The following KIF1A variants were observed in gnomAD, a reference collection of about 807,000 sequenced individuals.
The protein encoded by KIF1A is kinesin-like protein KIF1A.
Under a neutral mutation model 227.3 loss-of-function variants are expected in KIF1A, and 46 were observed. The ratio of observed to expected loss-of-function variants is 0.20; its 90% CI spans 0.16 to 0.26. KIF1A has a LOEUF of 0.26. KIF1A is among the 10% of genes least tolerant of loss of function. The probability of loss-of-function intolerance (pLI) is 1.00; values close to 1 mark genes in which losing one functional copy is unlikely to be tolerated. For missense variants in KIF1A, 1,683 were observed against 2,485.9 expected (o/e 0.68, Z 6.87); for synonymous variants, 1,022 against 1,012.8 (o/e 1.01, Z -0.17).
At position 240,797,680 on chromosome 2, in the gene KIF1A, T is replaced by G. The variant is rs1174536536; in HGVS notation, c.73A>C (p.Lys25Gln). 6.2e-7 allele frequency: 1 copy of G among 1,612,894 alleles called. No homozygotes were observed. The highest frequency in any genetic ancestry group is 2.2e-5 in the East Asian group (1 of 44,866). The change falls in exon 2 of 49, where the codon AAG becomes CAG. Residue 25 changes from lysine (K) to glutamine (Q), a missense_variant. By Grantham distance (53) the Lys-to-Gln change is moderately conservative. Coordinates refer to ENST00000498729, the MANE Select transcript of KIF1A (RefSeq NM_001244008.2). ...CTTCCAGACATCTGAATGATGCACT[T>G]GGAGTCACGGCTCATTTCCCGGGAA... ...FNSREMSRDS[K>Q]CIIQMSGSTT...
chr2:240,744,162 G>C (rs1022996810), intron 32 of KIF1A, 102 bp from the exon 33 acceptor site: 1 of 820,596 alleles, frequency 1.2e-6, no homozygotes, highest in Admixed American at 1.9e-5. Context: ...GCCCAGATCT[G>C]GGACCCCTAG....
rs74002910 is a variant in KIF1A, at chr2:240,742,609, C to T, written c.3640+320G>A. Among the ~76,000 whole-genome samples, 569 of 152,274 alleles carry T rather than the reference C, an allele frequency of 3.7e-3. 5 individuals carry two copies. Among genetic ancestry groups the T allele is most frequent in the African/African-American group, 0.013 (551 of 41,546 alleles). ...CCCCGTGAAGGAGCGTCCTAGATTG[C>T]CTTTCATCCCCAAATCTCCACCTCT... On this transcript the variant is annotated intron_variant, in intron 34 of 48. Coordinates refer to ENST00000498729, the MANE Select transcript of KIF1A (RefSeq NM_001244008.2).
chr2:240,744,457 C>T (rs3772055), intron 32 of KIF1A, among the ~76,000 whole-genome samples: 14,213 of 152,254 alleles, frequency 0.093, 1,212 homozygotes, highest in East Asian at 0.26. Context: ...GTTGAAGTCC[C>T]AACCCCAGGA....
chr2:240,794,492 C>T (rs2056141885), intron 2 of KIF1A, among the ~76,000 whole-genome samples: 1 of 152,212 alleles, frequency 6.6e-6, no homozygotes, highest in Non-Finnish European at 1.5e-5. Context: ...TTCCCCACAA[C>T]ATCGTGTGGC....
At position 240,767,846 on chromosome 2, in the gene KIF1A, A is replaced by G. The variant is rs183337142; in HGVS notation, c.1498-501T>C. Among the ~76,000 whole-genome samples, 5 of 152,404 alleles carry G rather than the reference A, an allele frequency of 3.3e-5. No homozygotes were observed. The East Asian group carries it at 9.6e-4, about 29-fold the overall frequency. ...TGGGAGCCAAGAGCCAAGAAGGATCAGGACACTGACCATGGAGGGCTCAGC... is the reference window on the plus strand; with the variant it reads ...TGGGAGCCAAGAGCCAAGAAGGATCGGGACACTGACCATGGAGGGCTCAGC... On this transcript the variant is annotated intron_variant, in intron 17 of 48. Transcript: ENST00000498729.
intron 1 of KIF1A, among the ~76,000 whole-genome samples, chr2:240,812,599 A>AG (rs2057954681): frequency 9.4e-6 from 1 of 106,230 alleles, no homozygotes; most frequent in East Asian, 2.8e-4. Context: ...CCTTCACCTC[A>AG]GGATCTGCCT....
intron 10 of KIF1A, among the ~76,000 whole-genome samples, chr2:240,779,875 A>G (rs1269322451): frequency 6.6e-6 from 1 of 152,084 alleles, no homozygotes; most frequent in Non-Finnish European, 1.5e-5. Flanking sequence ...ATGGCTCCAC[A>G]CGCAGGCTGT....
At position 240,740,486 on chromosome 2, in the gene KIF1A, C is replaced by T. The variant is rs774940022; in HGVS notation, c.3750-122G>A. On this transcript the variant is annotated intron_variant, in intron 35 of 48. Coordinates refer to ENST00000498729, the MANE Select transcript of KIF1A (RefSeq NM_001244008.2). This position sits in a 1 kb window ranked among gnomAD's most constrained non-coding sequence, Gnocchi z 6.1. ...GTCAGCAGCTCCCTCTGGTGAAGAT[C>T]AGGTGGTCTGATCCATGGAGACCAC... 5 of 802,706 alleles carry T rather than the reference C, an allele frequency of 6.2e-6. No homozygotes were observed. Among genetic ancestry groups the T allele is most frequent in the Non-Finnish European group, 1.0e-5 (5 of 477,586 alleles). 49.7% of individuals were successfully genotyped at this position (802,706 alleles called of 1,614,324 possible).
Position 240,757,346 on chromosome 2 carries a change from C to G in KIF1A, c.2831G>C (p.Arg944Pro), listed in dbSNP as rs1178051683. The change falls in exon 27 of 49, where the codon CGG (arginine) becomes CCG (proline). Residue 944 changes from arginine to proline, a missense_variant. By Grantham distance (103) the Arg-to-Pro change is moderately radical. Transcript: ENST00000498729. This position sits in a 1 kb window ranked among gnomAD's most constrained non-coding sequence, Gnocchi z 6.2. ...LCDGRDPFYD[R>P]PPLFSLVGRA... Reference sequence around the variant, plus strand: ...TCCTACTAAACTGAACAGGGGGGGCCGGTCGTAAAACGGGTCCCGGCCGTC... The same window carrying G: ...TCCTACTAAACTGAACAGGGGGGGCGGGTCGTAAAACGGGTCCCGGCCGTC... The G allele has an allele frequency of 6.4e-7, 1 of 1,550,578 alleles. No homozygotes were observed. The highest frequency in any genetic ancestry group is 1.4e-5 in the African/African-American group (1 of 73,048).
At chr2:240,767,229 C>G in intron 18 of KIF1A, 37 bp downstream of exon 18, 1 of 1,553,812 alleles carries the variant, frequency 6.4e-7, no homozygotes, top group Non-Finnish European at 8.9e-7. Flanking sequence ...ATCCCAGGGC[C>G]TGGCCAGGCT....
intron 1 of KIF1A, among the ~76,000 whole-genome samples, chr2:240,805,120 G>A (rs2057304741): frequency 1.3e-5 from 1 of 78,836 alleles, no homozygotes; most frequent in African/African-American, 5.3e-5. Context: ...AGGGAGAGGG[G>A]AGGGAGGGCG....
At chr2:240,769,575 G>A (rs1037127649) in intron 16 of KIF1A, 52 bp downstream of exon 16, 73 of 1,490,758 alleles carry the variant, frequency 4.9e-5, no homozygotes, top group East Asian at 1.1e-4. Flanking sequence ...CCCAGGCTCC[G>A]GGCTTGCTGG....
In KIF1A at chr2:240,740,254, G is replaced by A. The variant is rs756441591; in HGVS notation, c.3816+44C>T. 3.2e-6 allele frequency: 5 copies of A among 1,578,742 alleles called. No individual in the cohort carries two copies. In the South Asian group the frequency reaches 4.5e-5, roughly 14 times the overall value. ...GGGAGAGGCTCACACCTGGTGGGGT[G>A]GGGGAGGGGACACAGGCAGGGTAGG... On this transcript the variant is annotated intron_variant, in intron 36 of 48. Transcript: ENST00000498729. The surrounding 1 kb of genome is among the most constrained non-coding windows in gnomAD (Gnocchi z 6.1).
At chr2:240,807,071 CAT>C (rs144429410) in intron 1 of KIF1A, among the ~76,000 whole-genome samples, 56 of 115,528 alleles carry the variant, frequency 4.8e-4, no homozygotes, top group South Asian at 2.5e-3. Flanking sequence ...TACACATCCT[CAT>C]ATATATGTGT....
At position 240,782,487 on chromosome 2, in the gene KIF1A, C is replaced by A. The variant is rs1027972224; in HGVS notation, c.882+103G>T. The A allele has an allele frequency of 9.8e-5, 123 of 1,260,722 alleles. No homozygotes were observed. In the African/African-American group the frequency reaches 1.7e-3, roughly 17 times the overall value. The allele number at this position is 1,260,722 out of a possible 1,614,324, so 78.1% of individuals were successfully genotyped here. A position where few individuals can be genotyped will look rare whatever the true frequency, so the allele number is the denominator to read the frequency against. On this transcript the variant is annotated intron_variant, in intron 10 of 48. Coordinates refer to ENST00000498729, the MANE Select transcript of KIF1A (RefSeq NM_001244008.2). ...CACCCCCACGTCCCCCATCTCCCAG[C>A]GCACTCACTGCCCGCCCCGCCCCTC...
chr2:240,759,585 G>GCCTCCTGATAGGC (rs58650809), intron 25 of KIF1A, among the ~76,000 whole-genome samples: 1 of 151,630 alleles, frequency 6.6e-6, no homozygotes. Context: ...ACTCCTCTCT[G>GCCTCCTGATAGGC]CCTGGTGCCT....
At chr2:240,763,449 C>A (rs915533697) in intron 20 of KIF1A, 103 bp from the exon 21 acceptor site, 14 of 1,057,320 alleles carry the variant, frequency 1.3e-5, no homozygotes, top group Non-Finnish European at 1.9e-5. Context: ...GGTGCAGGCA[C>A]CCCACCATCC....
intron 38 of KIF1A, among the ~76,000 whole-genome samples, 191 bp from the exon 39 acceptor site, chr2:240,727,131 G>A (rs1283060228): frequency 6.6e-6 from 1 of 152,196 alleles, no homozygotes; most frequent in African/African-American, 2.4e-5. Flanking sequence ...CAGAGAGTAG[G>A]GTCTCTTGGA....
chr2:240,755,517 G>GGGGCCTTCCCAGGGCC (rs1311912044), intron 27 of KIF1A, among the ~76,000 whole-genome samples: 1 of 152,204 alleles, frequency 6.6e-6, no homozygotes, highest in East Asian at 1.9e-4. Flanking sequence ...AAATCAACGA[G>GGGGCCTTCCCAGGGCC]GGGCCTTCCC....
Sources: gnomAD v4.1 joint callset for allele counts (sites outside exome capture counted in the v4.1 genomes callset) on GRCh38, gnomAD v4.1.1 for gene constraint, Gnocchi (gnomAD v3.1) non-coding constraint, MANE v1.5 for transcripts, NCBI Gene and HGNC (gene_info 2026-07-23, HGNC 2026-07-21) for gene names.